GLIS1: variants seen among roughly 807,000 people sequenced by gnomAD.
GLIS1 encodes the protein GLIS family zinc finger 1.
A neutral mutation model predicts 63.8 loss-of-function variants in GLIS1; 24 were observed. That is an observed-to-expected ratio of 0.38 (90% CI 0.27 to 0.53). GLIS1 has a LOEUF of 0.53. Ranked by LOEUF, GLIS1 falls within the 20% of genes least tolerant of loss-of-function variation. The probability of loss-of-function intolerance (pLI) is 0.85; values close to 1 mark genes in which losing one functional copy is unlikely to be tolerated. For missense variants in GLIS1, 1,036 were observed against 1,074.1 expected (o/e 0.96, Z 0.50); for synonymous variants, 450 against 482.5 (o/e 0.93, Z 0.88).
At chr1:53,714,324 G>C (rs568497680) in intron 2 of GLIS1, among the ~76,000 whole-genome samples, 1 of 152,256 alleles carries the variant, frequency 6.6e-6, no homozygotes, top group Admixed American at 6.5e-5. Context: ...ATAGCAGAGG[G>C]GTGCTCCATA....
intron 8 of GLIS1, among the ~76,000 whole-genome samples, chr1:53,510,914 A>G (rs1644292437): frequency 6.6e-6 from 1 of 152,048 alleles, no homozygotes; most frequent in Non-Finnish European, 1.5e-5. Flanking sequence ...TAGACTGTGC[A>G]CTCTGGAAAC....
At chr1:53,716,267 A>T (rs2100538039) in intron 2 of GLIS1, among the ~76,000 whole-genome samples, 1 of 152,280 alleles carries the variant, frequency 6.6e-6, no homozygotes, top group African/African-American at 2.4e-5. Context: ...GTAGGGGCCC[A>T]ACAGTGAGAA....
At chr1:53,561,672 G>A (rs1025964132) in intron 4 of GLIS1, among the ~76,000 whole-genome samples, 25 of 152,332 alleles carry the variant, frequency 1.6e-4, no homozygotes, top group African/African-American at 5.8e-4. Context: ...ACTCACTCAG[G>A]AAGCTCAGAA....
intron 2 of GLIS1, among the ~76,000 whole-genome samples, chr1:53,678,534 C>G (rs1286354668): frequency 1.3e-5 from 2 of 151,930 alleles, no homozygotes; most frequent in African/African-American, 4.8e-5. Flanking sequence ...AAGGCTGGTA[C>G]CTGCACCCCC....
At chr1:53,721,214 T>C (rs759068894) in intron 2 of GLIS1, among the ~76,000 whole-genome samples, 5 of 152,124 alleles carry the variant, frequency 3.3e-5, no homozygotes, top group Non-Finnish European at 7.4e-5. Flanking sequence ...GTAAGTATAC[T>C]TGATCCAGGA....
At chr1:53,536,315 T>A (rs549899540) in intron 4 of GLIS1, among the ~76,000 whole-genome samples, 210 of 152,192 alleles carry the variant, frequency 1.4e-3, no homozygotes, top group South Asian at 3.3e-3. Context: ...CAGGCATGTA[T>A]AACAATCTTG....
intron 5 of GLIS1, among the ~76,000 whole-genome samples, chr1:53,527,300 C>T (rs777540445): frequency 2.0e-4 from 30 of 152,326 alleles, no homozygotes; most frequent in Middle Eastern, 3.4e-3. Flanking sequence ...TATTCGAGTC[C>T]GCTCAGGGGA....
intron 2 of GLIS1, among the ~76,000 whole-genome samples, chr1:53,675,424 C>T (rs551644815): frequency 8.5e-5 from 13 of 152,288 alleles, no homozygotes; most frequent in African/African-American, 2.9e-4. Context: ...CTTGCTGCTT[C>T]CCTGAATCAG....
intron 4 of GLIS1, among the ~76,000 whole-genome samples, chr1:53,563,834 C>T (rs1478149095): frequency 6.6e-6 from 1 of 152,150 alleles, no homozygotes; most frequent in Non-Finnish European, 1.5e-5. Context: ...AAAAGAATGA[C>T]GGAGACTGAC....
At chr1:53,522,584 T>C (rs554004625) in intron 6 of GLIS1, among the ~76,000 whole-genome samples, 2 of 152,308 alleles carry the variant, frequency 1.3e-5, no homozygotes, top group Admixed American at 1.3e-4. Flanking sequence ...GGGTGCATGA[T>C]GCTGGGCTGG....
chr1:53,720,807 TG>T, intron 2 of GLIS1, among the ~76,000 whole-genome samples: 1 of 152,174 alleles, frequency 6.6e-6, no homozygotes, highest in Non-Finnish European at 1.5e-5. Flanking sequence ...TTTCTGAGCC[TG>T]GGCAACACAG....
chr1:53,727,829 T>G (rs1357913355), intron 2 of GLIS1, among the ~76,000 whole-genome samples: 1 of 152,176 alleles, frequency 6.6e-6, no homozygotes, highest in Non-Finnish European at 1.5e-5. Flanking sequence ...AAAGAAAACA[T>G]GATGGTATCT....
At chr1:53,724,321 C>T (rs542681317) in intron 2 of GLIS1, among the ~76,000 whole-genome samples, 20 of 152,282 alleles carry the variant, frequency 1.3e-4, no homozygotes, top group South Asian at 6.2e-4. Flanking sequence ...CTTTCTGTGA[C>T]GGAGGAAATG....
intron 2 of GLIS1, among the ~76,000 whole-genome samples, chr1:53,721,768 G>A (rs148047675): frequency 1.4e-4 from 21 of 152,200 alleles, no homozygotes; most frequent in African/African-American, 4.6e-4. Flanking sequence ...ACGATGGGAC[G>A]TGGTGAACGA....
intron 6 of GLIS1, among the ~76,000 whole-genome samples, chr1:53,522,666 T>C (rs1321553137): frequency 6.6e-6 from 1 of 152,154 alleles, no homozygotes. Flanking sequence ...CCCCACATTT[T>C]GGGAGGCCAA....
intron 2 of GLIS1, among the ~76,000 whole-genome samples, chr1:53,640,775 A>G (rs1001939011): frequency 1.3e-5 from 2 of 152,180 alleles, no homozygotes; most frequent in Non-Finnish European, 2.9e-5. Flanking sequence ...GGGATACTAC[A>G]TTAAGCCACT....
At position 53,594,337 on chromosome 1, in the gene GLIS1, C is replaced by T. The variant is rs1408515236; in HGVS notation, c.1091G>A (p.Arg364Lys). Residue 364 changes from arginine to lysine, a missense_variant, in exon 4 of 11, where the codon AGG becomes AAG. Physicochemically the swap from Arg to Lys is conservative, Grantham distance 26. This residue lies in a region of GLIS1 where 592 missense variants were observed against 593.9 expected (regional missense o/e 1.00). Transcript: ENST00000628545. The stretch of plus-strand genomic sequence containing the variant: ...GCACGCCTGCCGCCCGGCCACCACC[C>T]TGCCTGCCAGGCCCAGCCCCAGGCC... ...LGGLGLGLAG[R>K]VVAGRQACRW... The T allele has an allele frequency of 6.2e-7, 1 of 1,611,782 alleles. No individual in the cohort carries two copies. Among genetic ancestry groups the T allele is most frequent in the Non-Finnish European group, 8.5e-7 (1 of 1,179,370 alleles).
At chr1:53,731,887 G>T (rs1174774299) in intron 2 of GLIS1, among the ~76,000 whole-genome samples, 1 of 152,200 alleles carries the variant, frequency 6.6e-6, no homozygotes, top group Admixed American at 6.5e-5. Context: ...TCCCAGCCCA[G>T]TCAGTGTGGA....
At chr1:53,612,895 A>G (rs1269797023) in intron 2 of GLIS1, among the ~76,000 whole-genome samples, 1 of 149,124 alleles carries the variant, frequency 6.7e-6, no homozygotes, top group Non-Finnish European at 1.5e-5. Context: ...CTCGACTCAC[A>G]GCAAGCTCTG....
Sources: gnomAD v4.1 joint callset for allele counts (sites outside exome capture counted in the v4.1 genomes callset) on GRCh38, gnomAD v4.1.1 for gene constraint, gnomAD v4.1.1 regional missense constraint, MANE v1.5 for transcripts, NCBI Gene and HGNC (gene_info 2026-07-23, HGNC 2026-07-21) for gene names.